The following QKI variants were observed in gnomAD, a reference collection of about 807,000 sequenced individuals.
The protein encoded by QKI is KH domain-containing RNA-binding protein QKI.
In QKI, 10 loss-of-function variants were observed where a neutral mutation model predicts 39.0. The observed-to-expected ratio is 0.26, with a 90% confidence interval of 0.16 to 0.43. QKI has a LOEUF of 0.43. Ranked by LOEUF, QKI falls within the 20% of genes least tolerant of loss-of-function variation. The pLI is 1.00. For synonymous variants in QKI, 204 were observed against 155.4 expected (o/e 1.31, Z -2.33); for missense variants, 218 against 428.0 (o/e 0.51, Z 4.33).
At chr6:163,485,791 C>T (rs1459743036) in intron 3 of QKI, among the ~76,000 whole-genome samples, 1 of 152,186 alleles carries the variant, frequency 6.6e-6, no homozygotes, top group Admixed American at 6.5e-5. Context: ...GATGTGCATT[C>T]TTCTTCTAGC....
chr6:163,444,589 G>A (rs1790005864), intron 1 of QKI, among the ~76,000 whole-genome samples: 2 of 152,090 alleles, frequency 1.3e-5, no homozygotes, highest in East Asian at 3.8e-4. Flanking sequence ...GCTTTTGCAG[G>A]GAAAGTCATC....
intron 1 of QKI, among the ~76,000 whole-genome samples, chr6:163,454,365 A>G (rs1488383081): frequency 6.6e-6 from 1 of 152,176 alleles, no homozygotes; most frequent in Non-Finnish European, 1.5e-5. Flanking sequence ...AAAACAGGTC[A>G]TTGATTTTAG....
intron 2 of QKI, among the ~76,000 whole-genome samples, chr6:163,458,077 T>G (rs937025673): frequency 4.6e-5 from 7 of 151,774 alleles, no homozygotes; most frequent in Non-Finnish European, 8.8e-5. Context: ...GGAAGTGTTG[T>G]AAGATGTGAG....
intron 2 of QKI, among the ~76,000 whole-genome samples, chr6:163,477,015 G>T (rs866940655): frequency 1.3e-3 from 101 of 78,690 alleles, no homozygotes; most frequent in Admixed American, 4.3e-3. Context: ...GTTTTGTTTT[G>T]TTTTGTTTTT....
chr6:163,563,519 C>G lies in QKI; in HGVS notation c.734C>G (p.Thr245Arg). ...CCACCAGCTGCCCTGCGTACTCCTA[C>G]GCCAGCTGGCCCTACCATAATGCCT... Reference protein sequence around the residue: ...VLPPAALRTPTPAGPTIMPLI... With the variant: ...VLPPAALRTPRPAGPTIMPLI... The change falls in exon 6 of 8, where the codon ACG (threonine) becomes AGG (arginine). Residue 245 changes from threonine (T) to arginine (R), a missense_variant. This residue lies in a region of QKI where 117 missense variants were observed against 186.0 expected (regional missense o/e 0.63). Transcript: ENST00000361752. 6.2e-7 allele frequency: 1 copy of G among 1,614,188 alleles called. No homozygotes were observed.
intron 1 of QKI, among the ~76,000 whole-genome samples, chr6:163,433,579 A>G (rs1050762341): frequency 6.6e-6 from 1 of 152,182 alleles, no homozygotes; most frequent in African/African-American, 2.4e-5. Flanking sequence ...AGCCTGGCCA[A>G]CATAGTGAAA....
chr6:163,426,396 T>G (rs958449371), intron 1 of QKI, among the ~76,000 whole-genome samples: 2 of 152,250 alleles, frequency 1.3e-5, no homozygotes, highest in Non-Finnish European at 2.9e-5. Flanking sequence ...CTGTGTACTT[T>G]GTTATCTTAC....
chr6:163,442,436 A>G (rs1300952879), intron 1 of QKI, among the ~76,000 whole-genome samples: 1 of 152,236 alleles, frequency 6.6e-6, no homozygotes, highest in Non-Finnish European at 1.5e-5. Context: ...AAGTTTGAAC[A>G]GAGGAGTGAC....
chr6:163,546,869 TA>T (rs141836279), intron 4 of QKI, among the ~76,000 whole-genome samples: 4,228 of 152,188 alleles, frequency 0.028, 190 homozygotes, highest in African/African-American at 0.096. Context: ...TCTGAAACCA[TA>T]TTGCCAAATT....
Position 163,523,740 on chromosome 6 carries a change from A to G in QKI, c.403-11242A>G, listed in dbSNP as rs956312113. Among the ~76,000 whole-genome samples the G allele has an allele frequency of 2.5e-4, 38 of 152,224 alleles. 1 individual carries two copies. The highest frequency in any genetic ancestry group is 5.9e-5 in the Non-Finnish European group (4 of 68,034). On this transcript the variant is annotated intron_variant, in intron 3 of 7. Coordinates refer to ENST00000361752, the MANE Select transcript of QKI (RefSeq NM_006775.3). Reference sequence around the variant, plus strand: ...ATGAAAATATCATAAAAGATGTGCAAGTTCAAATCTGGGCAGGGCAGAAGA... The same window carrying G: ...ATGAAAATATCATAAAAGATGTGCAGGTTCAAATCTGGGCAGGGCAGAAGA...
At chr6:163,566,671 C>G (rs1303806305) in intron 6 of QKI, 50 bp from the exon 7 acceptor site, 1 of 1,600,670 alleles carries the variant, frequency 6.2e-7, no homozygotes, top group Non-Finnish European at 8.5e-7. Context: ...TGTTTTTTCC[C>G]CCCTTGTGAA....
chr6:163,448,762 T>G (rs1790340875), intron 1 of QKI, among the ~76,000 whole-genome samples: 1 of 151,672 alleles, frequency 6.6e-6, no homozygotes, highest in Non-Finnish European at 1.5e-5. Flanking sequence ...AAATAAATAA[T>G]ACTCTAGTAA....
Position 163,415,153 on chromosome 6 carries a change from C to CGGT in QKI, c.-39_-38insTGG. 1 of 1,408,176 alleles carries CGGT rather than the reference C, an allele frequency of 7.1e-7. No homozygotes were observed. The highest frequency in any genetic ancestry group is 1.3e-5 in the South Asian group (1 of 74,918). 87.2% of individuals were successfully genotyped at this position (1,408,176 alleles called of 1,614,324 possible). A position where few individuals can be genotyped will look rare whatever the true frequency, so the allele number is the denominator to read the frequency against. On this transcript the variant is annotated 5_prime_UTR_variant, in exon 1 of 8. Coordinates refer to ENST00000361752, the MANE Select transcript of QKI (RefSeq NM_006775.3). ...GCCCCTCCCTCCTCTCCGGCGGCGG[C>CGGT]GGCGGCGGCGGCGGGCGGAGTGAGC... is the stretch of plus-strand genomic sequence containing the variant.
chr6:163,455,153 C>A, intron 1 of QKI, 126 bp from the exon 2 acceptor site: 2 of 663,522 alleles, frequency 3.0e-6, no homozygotes, highest in Non-Finnish European at 4.8e-6. Context: ...ATAGAATAGG[C>A]CAGGAGCTCC....
chr6:163,532,410 C>T (rs1020295691), intron 3 of QKI, among the ~76,000 whole-genome samples: 6 of 152,158 alleles, frequency 3.9e-5, no homozygotes, highest in African/African-American at 1.2e-4. Context: ...TTTGCATGCC[C>T]GTTAATTTCT....
At chr6:163,557,337 G>T (rs941497644) in intron 4 of QKI, among the ~76,000 whole-genome samples, 1 of 152,140 alleles carries the variant, frequency 6.6e-6, no homozygotes, top group African/African-American at 2.4e-5. Flanking sequence ...CTTCAATGGA[G>T]TACTATTTAG....
chr6:163,457,166 G>A (rs551384937), intron 2 of QKI, among the ~76,000 whole-genome samples: 1 of 152,264 alleles, frequency 6.6e-6, no homozygotes, highest in African/African-American at 2.4e-5. Context: ...TAATGTTTCT[G>A]CAGTGGGCAT....
chr6:163,417,484 T>G (rs1316749666), intron 1 of QKI, among the ~76,000 whole-genome samples: 6 of 152,170 alleles, frequency 3.9e-5, no homozygotes, highest in African/African-American at 1.2e-4. Flanking sequence ...TTCTTGTGCT[T>G]TTATGTTGAT....
intron 3 of QKI, among the ~76,000 whole-genome samples, chr6:163,495,166 C>A (rs771760749): frequency 7.2e-5 from 11 of 152,092 alleles, no homozygotes; most frequent in African/African-American, 1.9e-4. Context: ...CTGCCTGCCT[C>A]GGCCTCCCAA....
Sources: gnomAD v4.1 joint callset for allele counts (sites outside exome capture counted in the v4.1 genomes callset) on GRCh38, gnomAD v4.1.1 for gene constraint, gnomAD v4.1.1 regional missense constraint, MANE v1.5 for transcripts, NCBI Gene and HGNC (gene_info 2026-07-23, HGNC 2026-07-21) for gene names.